The following SGCZ variants were observed in gnomAD, a reference collection of about 807,000 sequenced individuals.
SGCZ encodes zeta-sarcoglycan.
In SGCZ, 40 loss-of-function variants were observed where a neutral mutation model predicts 41.3. The observed-to-expected ratio is 0.97, with a 90% CI of 0.75 to 1.26. The LOEUF (loss-of-function observed/expected upper bound fraction) is 1.26, where lower values mean the gene tolerates loss of function less well. Among genes scored for constraint, SGCZ ranks in the 50% most tolerant of loss-of-function variants. The pLI is 0.00. For missense variants in SGCZ, 552 were observed against 369.8 expected, an observed-to-expected ratio of 1.49 and a Z score of -4.04; for synonymous variants, 206 against 137.5, an observed-to-expected ratio of 1.50 and a Z score of -3.49.
intron 1 of SGCZ, among the ~76,000 whole-genome samples, chr8:14,677,308 C>G (rs1423772734): frequency 6.6e-6 from 1 of 151,728 alleles, no homozygotes; most frequent in Non-Finnish European, 1.5e-5. Flanking sequence ...AATCAAATAA[C>G]TAGAAAATGA....
intron 1 of SGCZ, among the ~76,000 whole-genome samples, chr8:15,231,307 A>T (rs1482933124): frequency 6.6e-6 from 1 of 152,212 alleles, no homozygotes; most frequent in Non-Finnish European, 1.5e-5. Flanking sequence ...ATACCAGCAA[A>T]GTGGTATAAA....
At chr8:15,054,160 C>A (rs1804621487) in intron 1 of SGCZ, among the ~76,000 whole-genome samples, 1 of 152,164 alleles carries the variant, frequency 6.6e-6, no homozygotes, top group Admixed American at 6.5e-5. Context: ...ATATTTAGTT[C>A]TTGCTCATAA....
chr8:15,045,437 G>C (rs1458682426), intron 1 of SGCZ, among the ~76,000 whole-genome samples: 1 of 152,018 alleles, frequency 6.6e-6, no homozygotes, highest in Non-Finnish European at 1.5e-5. Context: ...CATATTTTTA[G>C]ACCTGAGTTA....
intron 3 of SGCZ, among the ~76,000 whole-genome samples, chr8:14,245,336 C>A (rs964723293): frequency 5.9e-5 from 9 of 152,228 alleles, no homozygotes; most frequent in South Asian, 2.1e-4. Context: ...CAAAAACAAG[C>A]AATGGGGAAA....
chr8:14,390,123 C>T (rs1385075855), intron 2 of SGCZ, among the ~76,000 whole-genome samples: 1 of 151,772 alleles, frequency 6.6e-6, no homozygotes, highest in Non-Finnish European at 1.5e-5. Flanking sequence ...ATTCCATTCC[C>T]AGGACATCTA....
At chr8:14,277,998 C>A (rs145422624) in intron 3 of SGCZ, among the ~76,000 whole-genome samples, 1 of 152,098 alleles carries the variant, frequency 6.6e-6, no homozygotes, top group South Asian at 2.1e-4. Context: ...GAGGGCAGCA[C>A]GAAGAGATTA....
rs147616984 is a variant in SGCZ, at chr8:14,460,137, G to A, written c.234+94595C>T. On this transcript the variant is annotated intron_variant, in intron 2 of 7. Transcript: ENST00000382080. ...CTGCTACCATTAGGAGCAGCTAGGT[G>A]AAGTGTATACATGAATTCTCTTTGC... is the stretch of plus-strand genomic sequence containing the variant. 5.2e-3 allele frequency among the ~76,000 whole-genome samples: 797 copies of A among 152,298 alleles called. 5 individuals are homozygous for A. The highest frequency in any genetic ancestry group is 0.018 in the African/African-American group (741 of 41,576).
chr8:14,236,202 C>G (rs915185049), intron 4 of SGCZ, among the ~76,000 whole-genome samples: 1 of 152,148 alleles, frequency 6.6e-6, no homozygotes, highest in Non-Finnish European at 1.5e-5. Context: ...GTTCTTGCTT[C>G]TGAATCAGTT....
chr8:14,361,688 G>A (rs1050596230), intron 2 of SGCZ, among the ~76,000 whole-genome samples: 1 of 152,176 alleles, frequency 6.6e-6, no homozygotes, highest in Non-Finnish European at 1.5e-5. Flanking sequence ...CTGTCAACTT[G>A]TCAAACCCAT....
chr8:14,833,196 A>G (rs1802589576), intron 1 of SGCZ, among the ~76,000 whole-genome samples: 1 of 152,172 alleles, frequency 6.6e-6, no homozygotes, highest in South Asian at 2.1e-4. Flanking sequence ...AATATGCCAA[A>G]GTATAGGCTC....
chr8:14,885,130 A>G (rs1288630270), intron 1 of SGCZ, among the ~76,000 whole-genome samples: 1 of 152,166 alleles, frequency 6.6e-6, no homozygotes, highest in African/African-American at 2.4e-5. Flanking sequence ...TCACAACCAA[A>G]GTCTCTCTGA....
At chr8:14,509,607 G>A (rs28387675) in intron 2 of SGCZ, among the ~76,000 whole-genome samples, 1 of 152,178 alleles carries the variant, frequency 6.6e-6, no homozygotes, top group East Asian at 1.9e-4. Flanking sequence ...AGAAGAACAT[G>A]AACCATCATC....
chr8:14,288,967 C>T (rs9643913), intron 3 of SGCZ, among the ~76,000 whole-genome samples: 109,188 of 152,064 alleles, frequency 0.72, 40,338 homozygotes, highest in Non-Finnish European at 0.8. Flanking sequence ...GTGTTTCAGT[C>T]ATTCCAGGGG....
In SGCZ at chr8:14,562,460, A is replaced by G. The variant is rs144481532; in HGVS notation, c.40-7534T>C. The stretch of plus-strand genomic sequence containing the variant: ...AAATACAATAAAAAAGAAATACATT[A>G]TATAAGCAATATAATGTTAATTAGT... On this transcript the variant is annotated intron_variant, in intron 1 of 7. Transcript: ENST00000382080. Among the ~76,000 whole-genome samples, 1,169 of 152,296 alleles carry G rather than the reference A, an allele frequency of 7.7e-3. 12 individuals carry two copies. The highest frequency in any genetic ancestry group is 0.027 in the African/African-American group (1,115 of 41,568).
At chr8:14,315,954 G>A (rs1054899947) in intron 3 of SGCZ, among the ~76,000 whole-genome samples, 6 of 151,602 alleles carry the variant, frequency 4.0e-5, no homozygotes, top group Non-Finnish European at 7.4e-5. Flanking sequence ...TATGTAAAGG[G>A]AAAATTTTGT....
chr8:15,142,281 G>GTTGTTTC (rs1454067869), intron 1 of SGCZ, among the ~76,000 whole-genome samples: 1 of 152,116 alleles, frequency 6.6e-6, no homozygotes, highest in Non-Finnish European at 1.5e-5. Flanking sequence ...TAGGAGAAAT[G>GTTGTTTC]TTGTTTCTTA....
intron 1 of SGCZ, among the ~76,000 whole-genome samples, chr8:14,693,506 G>T (rs893856885): frequency 6.8e-6 from 1 of 146,844 alleles, no homozygotes; most frequent in Non-Finnish European, 1.5e-5. Flanking sequence ...TGGTCAGGCT[G>T]ATCTCAAACT....
chr8:14,441,139 C>T (rs2117369151), intron 2 of SGCZ, among the ~76,000 whole-genome samples: 1 of 152,264 alleles, frequency 6.6e-6, no homozygotes, highest in Middle Eastern at 3.4e-3. Context: ...TATTCATCTG[C>T]TCTTAGTAAA....
intron 1 of SGCZ, among the ~76,000 whole-genome samples, chr8:14,961,823 T>C (rs1800975490): frequency 6.6e-6 from 1 of 152,072 alleles, no homozygotes; most frequent in Admixed American, 6.6e-5. Flanking sequence ...ACAGGATCAC[T>C]CAACAGACAA....
Sources: allele counts gnomAD v4.1 joint callset (sites outside exome capture counted in the v4.1 genomes callset), GRCh38; gene constraint gnomAD v4.1.1; transcripts MANE v1.5; gene names NCBI Gene and HGNC (gene_info 2026-07-23, HGNC 2026-07-21).